CEP85L: variants seen among roughly 807,000 people sequenced by gnomAD.
CEP85L encodes centrosomal protein 85L, also known as centrosomal protein of 85 kDa-like.
CEP85L carries 60 observed loss-of-function variants against 100.3 expected under a neutral mutation model. The ratio of observed to expected loss-of-function variants is 0.60; its 90% CI spans 0.49 to 0.74. CEP85L has a LOEUF of 0.74. Among genes scored for constraint, CEP85L ranks in the 30% least tolerant of loss-of-function variants. The probability of loss-of-function intolerance (pLI) is 0.00; values close to 1 mark genes in which losing one functional copy is unlikely to be tolerated. For synonymous variants in CEP85L, 319 were observed against 322.7 expected (o/e 0.99, Z 0.12); for missense variants, 973 against 936.2 (o/e 1.04, Z -0.51).
At chr6:118,675,784 T>C (rs945958796) in intron 1 of CEP85L, among the ~76,000 whole-genome samples, 6 of 151,908 alleles carry the variant, frequency 3.9e-5, no homozygotes, top group African/African-American at 1.4e-4. Flanking sequence ...ATGGAAGCAG[T>C]AAAGAGCAAA....
chr6:118,510,976 C>CCAGATAATGTA (rs986872790), intron 5 of CEP85L, among the ~76,000 whole-genome samples: 2 of 151,740 alleles, frequency 1.3e-5, no homozygotes, highest in Non-Finnish European at 2.9e-5. Context: ...AAGCAAGGTG[C>CCAGATAATGTA]CAGATAATGT....
chr6:118,507,584 C>T (rs1259232952), intron 5 of CEP85L, among the ~76,000 whole-genome samples: 1 of 152,210 alleles, frequency 6.6e-6, no homozygotes, highest in Non-Finnish European at 1.5e-5. Context: ...TCGGCCCTTG[C>T]TTACCTCTTC....
In CEP85L at chr6:118,617,863, G is replaced by A. The variant is rs560925054; in HGVS notation, c.232+14590C>T. 5.9e-5 allele frequency among the ~76,000 whole-genome samples: 9 copies of A among 152,166 alleles called. No homozygotes were observed. The South Asian group carries it at 1.5e-3, about 25-fold the overall frequency. ...CAACTGCCACGCAGTGAGTACCCTC[G>A]GACCTCTTTTGCTTGCTATTCTGTC... On this transcript the variant is annotated intron_variant, in intron 2 of 12. Transcript: ENST00000368491.
At position 118,616,014 on chromosome 6, in the gene CEP85L, G is replaced by A. The variant is rs1327471290; in HGVS notation, c.232+16439C>T. ...CTTTAAGTTCTGTGATTCTTTATGA[G>A]AATCACTGAGTCTAGGAGAAGCCTT... On this transcript the variant is annotated intron_variant, in intron 2 of 12. Coordinates refer to ENST00000368491, the MANE Select transcript of CEP85L (RefSeq NM_001042475.3). Among the ~76,000 whole-genome samples the A allele has an allele frequency of 3.9e-5, 6 of 152,088 alleles. No individual in the cohort carries two copies. The South Asian group carries it at 1.2e-3, about 32-fold the overall frequency.
intron 3 of CEP85L, among the ~76,000 whole-genome samples, chr6:118,552,677 C>T (rs1277131972): frequency 1.3e-5 from 2 of 150,128 alleles, no homozygotes; most frequent in Non-Finnish European, 3.0e-5. Context: ...TTTTAATTTC[C>T]AGCGTTACTT....
intron 7 of CEP85L, among the ~76,000 whole-genome samples, chr6:118,483,389 G>C (rs546839984): frequency 6.6e-6 from 1 of 152,104 alleles, no homozygotes; most frequent in South Asian, 2.1e-4. Flanking sequence ...GTGAATCCTA[G>C]AGACTGTGTT....
chr6:118,463,660 C>CA lies in CEP85L; in HGVS notation c.*1744dup. ...GGTTAAGGACTCTGGGATGCAGGAG[C>CA]ACTACAATGTACTTACTGATTTCTT... On this transcript the variant is annotated 3_prime_UTR_variant, in exon 13 of 13. Transcript: ENST00000368491. 1 of 152,000 alleles carries CA rather than the reference C, an allele frequency of 6.6e-6. No individual in the cohort carries two copies. Among genetic ancestry groups the CA allele is most frequent in the South Asian group, 2.1e-4 (1 of 4,828 alleles). 9.4% of individuals were successfully genotyped at this position (152,000 alleles called of 1,614,324 possible).
At chr6:118,706,132 A>G (rs1342073692) in intron 1 of CEP85L, among the ~76,000 whole-genome samples, 4 of 152,218 alleles carry the variant, frequency 2.6e-5, no homozygotes, top group African/African-American at 4.8e-5. Context: ...CCAGCATGTA[A>G]TGAATACTCA....
intron 2 of CEP85L, among the ~76,000 whole-genome samples, chr6:118,614,789 C>G (rs1213005900): frequency 6.6e-6 from 1 of 152,146 alleles, no homozygotes; most frequent in Non-Finnish European, 1.5e-5. Context: ...TGCAGTGAGC[C>G]AAGATCGTGC....
At chr6:118,529,123 A>G (rs1777137066) in intron 3 of CEP85L, among the ~76,000 whole-genome samples, 1 of 152,204 alleles carries the variant, frequency 6.6e-6, no homozygotes, top group Non-Finnish European at 1.5e-5. Flanking sequence ...AGGGAATTAG[A>G]TGTGTTCAAA....
rs970670049 is a variant in CEP85L, at chr6:118,536,036, A to G, written c.1021-12116T>C. Among the ~76,000 whole-genome samples the G allele has an allele frequency of 3.3e-5, 5 of 152,314 alleles. No individual in the cohort carries two copies. In the East Asian group the frequency reaches 5.8e-4, roughly 18 times the overall value. ...TCTAAAATTGTAGGTAAATGTTTAC[A>G]TATCTCCCACTCAACAACAGTAGAA... On this transcript the variant is annotated intron_variant, in intron 3 of 12. Coordinates refer to ENST00000368491, the MANE Select transcript of CEP85L (RefSeq NM_001042475.3).
At chr6:118,490,904 A>G (rs922276930) in intron 6 of CEP85L, among the ~76,000 whole-genome samples, 1 of 151,078 alleles carries the variant, frequency 6.6e-6, no homozygotes, top group African/African-American at 2.4e-5. Flanking sequence ...CACACACACC[A>G]CATTTTCTTT....
chr6:118,501,848 G>T, intron 5 of CEP85L: 1 of 1,299,488 alleles, frequency 7.7e-7, no homozygotes, highest in South Asian at 1.2e-5. Context: ...TGGAGATGCC[G>T]AAGCACAAGC....
chr6:118,483,940 C>T, intron 6 of CEP85L, 82 bp from the exon 7 acceptor site: 2 of 1,241,808 alleles, frequency 1.6e-6, no homozygotes, highest in Non-Finnish European at 2.2e-6. Flanking sequence ...TATTAGACAC[C>T]ATTGAATTCA....
intron 1 of CEP85L, among the ~76,000 whole-genome samples, chr6:118,702,165 A>G (rs1325148362): frequency 6.6e-6 from 1 of 150,978 alleles, no homozygotes; most frequent in Admixed American, 6.6e-5. Context: ...ATCATTCACT[A>G]TGACTAATTG....
chr6:118,467,598 G>T (rs535606675), intron 12 of CEP85L, among the ~76,000 whole-genome samples: 3 of 152,254 alleles, frequency 2.0e-5, no homozygotes, highest in Admixed American at 6.5e-5. Flanking sequence ...GGTGGGCGTG[G>T]TAAGATTCAC....
rs1163468213 is a variant in CEP85L at position 118,465,212 on chromosome 6, A to C, written c.*193T>G. 6.2e-6 allele frequency: 3 copies of C among 481,080 alleles called. No homozygotes were observed. Among genetic ancestry groups the C allele is most frequent in the Non-Finnish European group, 1.1e-5 (3 of 275,854 alleles). The allele number at this position is 481,080 out of a possible 1,614,324, so 29.8% of individuals were successfully genotyped here. On this transcript the variant is annotated 3_prime_UTR_variant, in exon 13 of 13. Transcript: ENST00000368491. ...TATCATATTTTCCAAAGGTAATTTG[A>C]TTTTTTTTCTTTTTGCCTGATTAGA...
intron 3 of CEP85L, among the ~76,000 whole-genome samples, chr6:118,557,078 T>A (rs1054965199): frequency 6.6e-6 from 1 of 152,190 alleles, no homozygotes; most frequent in African/African-American, 2.4e-5. Context: ...TGTTCCAAGC[T>A]TGACAGTCTT....
At chr6:118,558,831 T>C in intron 3 of CEP85L, 2 of 875,280 alleles carry the variant, frequency 2.3e-6, no homozygotes, top group South Asian at 1.4e-5. Context: ...CCAGGCTACC[T>C]AAAAGAAGAC....
Sources: gnomAD v4.1 joint callset for allele counts (sites outside exome capture counted in the v4.1 genomes callset) on GRCh38, gnomAD v4.1.1 for gene constraint, MANE v1.5 for transcripts, NCBI Gene and HGNC (gene_info 2026-07-23, HGNC 2026-07-21) for gene names.